NTM: variants seen among roughly 807,000 people sequenced by gnomAD.
The protein encoded by NTM is IgLON family member 2.
A neutral mutation model predicts 42.1 loss-of-function variants in NTM; 13 were observed. That is an observed-to-expected ratio of 0.31 (90% confidence interval 0.20 to 0.49). The LOEUF is 0.49. Among genes scored for constraint, NTM ranks in the 20% least tolerant of loss-of-function variants. NTM has a pLI of 0.99. For missense variants in NTM, 373 were observed against 452.8 expected (o/e 0.82, Z 1.60); for synonymous variants, 187 against 179.2 (o/e 1.04, Z -0.35).
chr11:131,411,537 G>A (rs1222041065), intron 1 of NTM, among the ~76,000 whole-genome samples: 2 of 137,618 alleles, frequency 1.5e-5, no homozygotes, highest in South Asian at 2.5e-4. Context: ...ATTTAGGGGG[G>A]GCCGTGTGTG....
chr11:131,759,319 T>C (rs181692717), intron 1 of NTM, among the ~76,000 whole-genome samples: 1 of 152,296 alleles, frequency 6.6e-6, no homozygotes, highest in Admixed American at 6.5e-5. Context: ...CCAAGAGAAG[T>C]ATTTCTGGGG....
chr11:131,851,519 C>A (rs974916026), intron 1 of NTM, among the ~76,000 whole-genome samples: 1 of 147,052 alleles, frequency 6.8e-6, no homozygotes, highest in Non-Finnish European at 1.5e-5. Flanking sequence ...ATCACATGCC[C>A]TGGTGAGAAT....
intron 2 of NTM, among the ~76,000 whole-genome samples, chr11:131,931,497 G>GTGTGTGTGTGTGTA (rs1211870776): frequency 5.3e-5 from 8 of 151,610 alleles, no homozygotes; most frequent in Non-Finnish European, 1.2e-4. Context: ...GTGTGTGTGT[G>GTGTGTGTGTGTGTA]TGTGTGTATG....
At chr11:131,618,577 G>C (rs1160491997) in intron 1 of NTM, among the ~76,000 whole-genome samples, 1 of 152,198 alleles carries the variant, frequency 6.6e-6, no homozygotes, top group Non-Finnish European at 1.5e-5. Flanking sequence ...TCAAGGAAGA[G>C]AGGTGGGCAG....
intron 2 of NTM, among the ~76,000 whole-genome samples, chr11:131,962,523 G>A (rs2062328479): frequency 6.6e-6 from 1 of 152,208 alleles, no homozygotes; most frequent in African/African-American, 2.4e-5. Flanking sequence ...CAAGAAGGCA[G>A]CCATCAGGAA....
At chr11:131,435,963 C>A (rs1366605699) in intron 1 of NTM, among the ~76,000 whole-genome samples, 1 of 152,184 alleles carries the variant, frequency 6.6e-6, no homozygotes, top group Non-Finnish European at 1.5e-5. Context: ...TACGTTCCGT[C>A]AGTACCTAGG....
rs898057400 is a variant in NTM at position 131,818,706 on chromosome 11, G to T, written c.83-92858G>T. ...TCATTTGTGTCAGGCCTTATCGGTG[G>T]CTGGAGATAATGAATGTGAAAGGCG... is the stretch of plus-strand genomic sequence containing the variant. On this transcript the variant is annotated intron_variant, in intron 1 of 8. Coordinates refer to ENST00000683400, the MANE Select transcript of NTM (RefSeq NM_001352005.2). Among the ~76,000 whole-genome samples, 8 of 152,140 alleles carry T rather than the reference G, an allele frequency of 5.3e-5. No homozygotes were observed. The East Asian group carries it at 1.5e-3, about 29-fold the overall frequency.
chr11:131,616,305 C>A (rs139461337), intron 1 of NTM, among the ~76,000 whole-genome samples: 2 of 152,290 alleles, frequency 1.3e-5, no homozygotes, highest in East Asian at 3.9e-4. Flanking sequence ...TCCCTATCAC[C>A]CAGAAATGGG....
intron 1 of NTM, among the ~76,000 whole-genome samples, chr11:131,590,773 A>G (rs2059293688): frequency 6.6e-6 from 1 of 152,202 alleles, no homozygotes; most frequent in Non-Finnish European, 1.5e-5. Flanking sequence ...AAGAGAACTT[A>G]TGGGACTTGT....
intron 4 of NTM, among the ~76,000 whole-genome samples, chr11:132,239,804 T>A (rs187768144): frequency 6.6e-5 from 10 of 152,320 alleles, no homozygotes; most frequent in Non-Finnish European, 8.8e-5. Context: ...CAATAATAAT[T>A]CTTCTTTTCA....
At chr11:131,413,031 C>T (rs539872834) in intron 1 of NTM, among the ~76,000 whole-genome samples, 13 of 152,194 alleles carry the variant, frequency 8.5e-5, no homozygotes, top group Admixed American at 3.3e-4. Flanking sequence ...GGGGTGAAGA[C>T]GAGGCAGACC....
At chr11:131,824,863 AG>A (rs1318234624) in intron 1 of NTM, among the ~76,000 whole-genome samples, 1 of 152,326 alleles carries the variant, frequency 6.6e-6, no homozygotes, top group South Asian at 2.1e-4. Context: ...CTCTGCTGTA[AG>A]AGGCAGAACT....
At chr11:131,724,605 C>T (rs74821112) in intron 1 of NTM, among the ~76,000 whole-genome samples, 2,568 of 152,312 alleles carry the variant, frequency 0.017, 26 homozygotes, top group Non-Finnish European at 0.025. Flanking sequence ...AGTAGTTTAT[C>T]GTAGCCCACT....
At chr11:131,467,762 T>C (rs1201385343) in intron 1 of NTM, among the ~76,000 whole-genome samples, 3 of 152,166 alleles carry the variant, frequency 2.0e-5, no homozygotes. Context: ...TTTATTTTGG[T>C]GGAGTGTGTG....
chr11:131,488,178 A>G (rs1954390785), intron 1 of NTM, among the ~76,000 whole-genome samples: 1 of 152,202 alleles, frequency 6.6e-6, no homozygotes, highest in African/African-American at 2.4e-5. Flanking sequence ...ACTCCACCCC[A>G]AAACTTGGGG....
chr11:131,689,109 A>T (rs1279614277), intron 1 of NTM, among the ~76,000 whole-genome samples: 3 of 151,706 alleles, frequency 2.0e-5, no homozygotes, highest in Non-Finnish European at 4.4e-5. Context: ...CGAGGAAGGA[A>T]GGAACACTCT....
chr11:131,916,774 T>G (rs2056459372), intron 2 of NTM, among the ~76,000 whole-genome samples: 1 of 152,176 alleles, frequency 6.6e-6, no homozygotes, highest in Non-Finnish European at 1.5e-5. Flanking sequence ...CCTGTGGAAT[T>G]TGCCAATAAA....
chr11:131,819,637 C>T (rs536408421), intron 1 of NTM, among the ~76,000 whole-genome samples: 1 of 152,314 alleles, frequency 6.6e-6, no homozygotes, highest in Admixed American at 6.5e-5. Context: ...CACTAATAAA[C>T]AGCACTAGCC....
At chr11:132,069,583 G>A (rs1328429968) in intron 2 of NTM, among the ~76,000 whole-genome samples, 9 of 150,948 alleles carry the variant, frequency 6.0e-5, no homozygotes, top group Non-Finnish European at 1.2e-4. Context: ...TCACAGGTTA[G>A]TTAACACGTC....
Sources: gnomAD v4.1 joint callset for allele counts (sites outside exome capture counted in the v4.1 genomes callset) on GRCh38, gnomAD v4.1.1 for gene constraint, MANE v1.5 for transcripts, NCBI Gene and HGNC (gene_info 2026-07-23, HGNC 2026-07-21) for gene names.